L3HYPDH: variants seen among roughly 807,000 people sequenced by gnomAD.
L3HYPDH encodes trans-L-3-hydroxyproline dehydratase.
In L3HYPDH, 32 loss-of-function variants were observed where a neutral mutation model predicts 26.5. The observed-to-expected ratio is 1.21, with a 90% CI of 0.91 to 1.62. The LOEUF (loss-of-function observed/expected upper bound fraction) is 1.62, where lower values mean the gene tolerates loss of function less well. Among genes scored for constraint, L3HYPDH ranks in the 40% most tolerant of loss-of-function variants. L3HYPDH has a pLI of 0.00. For missense variants in L3HYPDH, 554 were observed against 476.4 expected (o/e 1.16, Z -1.52); for synonymous variants, 215 against 196.6 (o/e 1.09, Z -0.78).
At chr14:59,465,986 G>A (rs1378916498) in intron 1 of L3HYPDH, among the ~76,000 whole-genome samples, 2 of 152,182 alleles carry the variant, frequency 1.3e-5, no homozygotes, top group African/African-American at 2.4e-5. Flanking sequence ...CAGAAGCACT[G>A]ATGTCAAGAG....
At position 59,476,103 on chromosome 14, in the gene L3HYPDH, CA is replaced by C; in HGVS notation, c.789del (p.Phe263LeufsTer15). On this transcript the variant is annotated frameshift_variant, in exon 3 of 5. Coordinates refer to ENST00000247194, the MANE Select transcript of L3HYPDH (RefSeq NM_144581.2). LOFTEE classifies it high-confidence loss of function. ...TKEPTTNICV[F>X]ADEQVDRSPT... ...TACAGTTTTAATACCTGTTCATCTG[CA>C]AAAACACAAATGTTGGTGGTTGGTT... 6.2e-7 allele frequency: 1 copy of C among 1,613,936 alleles called. No homozygotes were observed. The highest frequency in any genetic ancestry group is 1.1e-5 in the South Asian group (1 of 91,068).
chr14:59,473,542 T>C (rs1889415518), intron 4 of L3HYPDH, among the ~76,000 whole-genome samples: 1 of 151,984 alleles, frequency 6.6e-6, no homozygotes, highest in Non-Finnish European at 1.5e-5. Context: ...TTAAACACAA[T>C]GGGGAGAGAA....
upstream of L3HYPDH, chr14:59,484,510 G>A: frequency 6.5e-7 from 1 of 1,529,724 alleles, no homozygotes; most frequent in Non-Finnish European, 8.9e-7. Context: ...GAGCCGCCGA[G>A]CTCGCTGTGG....
At chr14:59,483,509 A>C in intron 1 of L3HYPDH, 1 of 1,320,450 alleles carries the variant, frequency 7.6e-7, no homozygotes, top group Non-Finnish European at 9.7e-7. Context: ...TCCACCGGTG[A>C]AATCTCTAGG....
At position 59,484,404 on chromosome 14, in the gene L3HYPDH, A is replaced by G; in HGVS notation, c.-88T>C. On this transcript the variant is annotated 5_prime_UTR_variant, in exon 1 of 5. Coordinates refer to ENST00000247194, the MANE Select transcript of L3HYPDH (RefSeq NM_144581.2). Reference sequence around the variant, plus strand: ...ACTGACTCCGCGGGAGGAGGGCGGGACGCTAACCAGCCACGTCCGGGGGGC... The same window carrying G: ...ACTGACTCCGCGGGAGGAGGGCGGGGCGCTAACCAGCCACGTCCGGGGGGC... 2 of 1,438,376 alleles carry G rather than the reference A, an allele frequency of 1.4e-6. No homozygotes were observed. Among genetic ancestry groups the G allele is most frequent in the Non-Finnish European group, 1.9e-6 (2 of 1,060,854 alleles). The allele number at this position is 1,438,376 out of a possible 1,614,324, so 89.1% of individuals were successfully genotyped here. A position where few individuals can be genotyped will look rare whatever the true frequency, so the allele number is the denominator to read the frequency against.
At chr14:59,476,235 T>TCAAA (rs10634233) in intron 2 of L3HYPDH, 21 bp from the exon 3 acceptor site, 4 of 1,510,136 alleles carry the variant, frequency 2.6e-6, no homozygotes, top group Admixed American at 1.9e-5. Context: ...CAAAAAAAGA[T>TCAAA]CACATGCAAA....
chr14:59,483,628 A>G (rs1272197589), intron 1 of L3HYPDH, 181 bp downstream of exon 1: 13 of 1,435,412 alleles, frequency 9.1e-6, no homozygotes, highest in Non-Finnish European at 1.2e-5. Context: ...GAAAATCGAA[A>G]TTACACGCAC....
downstream of L3HYPDH, among the ~76,000 whole-genome samples, chr14:59,469,470 G>A (rs1482725283): frequency 2.0e-5 from 3 of 147,710 alleles, no homozygotes; most frequent in South Asian, 6.5e-4. Context: ...CAGGAGAATC[G>A]CTTGAACCCG....
chr14:59,471,340 A>G (rs1460086355), downstream of L3HYPDH, among the ~76,000 whole-genome samples: 3 of 152,220 alleles, frequency 2.0e-5, no homozygotes, highest in Admixed American at 6.5e-5. Flanking sequence ...GTTGTAGGAA[A>G]ATACTAGACT....
chr14:59,476,315 A>T (rs1292711926), intron 2 of L3HYPDH, 101 bp from the exon 3 acceptor site: 2 of 884,382 alleles, frequency 2.3e-6, no homozygotes, highest in Non-Finnish European at 3.3e-6. Flanking sequence ...TTTAATCCTT[A>T]TCATTTTTAA....
downstream of L3HYPDH, among the ~76,000 whole-genome samples, chr14:59,471,556 A>G (rs368587706): frequency 2.0e-5 from 3 of 152,322 alleles, no homozygotes; most frequent in African/African-American, 7.2e-5. Context: ...ATCAACTAAA[A>G]GTCTTTTTAA....
chr14:59,484,195 T>A lies in L3HYPDH; in HGVS notation c.122A>T (p.Glu41Val), dbSNP rs1185774541. 6.3e-7 allele frequency: 1 copy of A among 1,598,760 alleles called. No individual in the cohort carries two copies. The highest frequency in any genetic ancestry group is 8.5e-7 in the Non-Finnish European group (1 of 1,179,606). Residue 41 changes from glutamate to valine, a missense_variant, in exon 1 of 5, where the codon GAG becomes GTG. By Grantham distance (121) the Glu-to-Val change is moderately radical. Transcript: ENST00000247194. The stretch of plus-strand genomic sequence containing the variant: ...GGCCAGCAGGGTGGGCCCAGACACC[T>A]CCGGACACCCCGCCAGCACGATACG... ...PLRIVLAGCP[E>V]VSGPTLLAKR...
At chr14:59,474,587 A>G in intron 4 of L3HYPDH, 3 of 695,392 alleles carry the variant, frequency 4.3e-6, no homozygotes, top group African/African-American at 1.8e-5. Flanking sequence ...TATAATGCTT[A>G]ACAGCATGTG....
chr14:59,491,349 G>T, the L3HYPDH span, among the ~76,000 whole-genome samples: 1 of 152,210 alleles, frequency 6.6e-6, no homozygotes, highest in Admixed American at 6.5e-5. Flanking sequence ...TTAGTTTAAT[G>T]AGAGGAGTTC....
At chr14:59,487,613 G>A, upstream of L3HYPDH, 1 of 1,235,856 alleles carries the variant, frequency 8.1e-7, no homozygotes, top group Non-Finnish European at 1.2e-6. Context: ...GAATGATTTG[G>A]GGGGGTGTTA....
At chr14:59,486,470 G>C (rs555045026), upstream of L3HYPDH, among the ~76,000 whole-genome samples, 2 of 152,302 alleles carry the variant, frequency 1.3e-5, no homozygotes, top group South Asian at 4.1e-4. Flanking sequence ...GATAGATCCT[G>C]CTCTGCTGGT....
At chr14:59,487,957 T>TAA, upstream of L3HYPDH, 1 of 889,772 alleles carries the variant, frequency 1.1e-6, no homozygotes, top group East Asian at 2.4e-5. Flanking sequence ...TATCTTCAGA[T>TAA]TATTCTTAAC....
rs1021801778 is a variant in L3HYPDH at position 59,475,884 on chromosome 14, T to C, written c.924A>G (p.Thr308=). The change falls in exon 4 of 5, where the codon ACA becomes ACG. Residue 308 remains threonine, a synonymous_variant. Transcript: ENST00000247194. ...FKSSATGSVF[T]GKAVREAKCG... is the part of the protein sequence containing the mutation. ...TGCCACTTACCCTCACAGCTTTCCC[T>C]GTGAATACTGAGCCAGTTGCACTGC... 5 of 1,612,718 alleles carry C rather than the reference T, an allele frequency of 3.1e-6. No individual in the cohort carries two copies. Among genetic ancestry groups the C allele is most frequent in the Middle Eastern group, 1.8e-4 (1 of 5,594 alleles).
At chr14:59,474,744 G>T in intron 4 of L3HYPDH, 1 of 397,266 alleles carries the variant, frequency 2.5e-6, no homozygotes, top group Non-Finnish European at 4.4e-6. Flanking sequence ...GGATTCTTGT[G>T]AGGATTAAAT....
Sources: allele counts gnomAD v4.1 joint callset (sites outside exome capture counted in the v4.1 genomes callset), GRCh38; gene constraint gnomAD v4.1.1; transcripts MANE v1.5; gene names NCBI Gene and HGNC (gene_info 2026-07-23, HGNC 2026-07-21).